Variants in DENND1A observed in about 807,000 individuals in gnomAD.
DENND1A encodes DENN domain-containing protein 1A.
In DENND1A, 51 loss-of-function variants were observed where a neutral mutation model predicts 113.7. The ratio of observed to expected loss-of-function variants is 0.45; its 90% CI spans 0.36 to 0.57. The LOEUF is 0.57. Ranked by LOEUF, DENND1A falls within the 20% of genes least tolerant of loss-of-function variation. The probability of loss-of-function intolerance (pLI) is 0.00; values close to 1 mark genes in which losing one functional copy is unlikely to be tolerated. For missense variants in DENND1A, 1,258 were observed against 1,395.9 expected, an observed-to-expected ratio of 0.90 and a Z score of 1.57; for synonymous variants, 565 against 570.8, an observed-to-expected ratio of 0.99 and a Z score of 0.14.
chr9:123,821,017 A>T (rs1052838695), intron 2 of DENND1A, among the ~76,000 whole-genome samples: 2 of 152,254 alleles, frequency 1.3e-5, no homozygotes, highest in Non-Finnish European at 2.9e-5. Flanking sequence ...TTTGAATAGC[A>T]CAGGCATTAT....
At chr9:123,590,859 C>T (rs908308431) in intron 11 of DENND1A, among the ~76,000 whole-genome samples, 1 of 152,166 alleles carries the variant, frequency 6.6e-6, no homozygotes, top group Admixed American at 6.5e-5. Context: ...AGAATAAAAT[C>T]ATAGCCAACC....
intron 13 of DENND1A, among the ~76,000 whole-genome samples, chr9:123,535,626 A>G (rs1182886346): frequency 6.6e-6 from 1 of 152,110 alleles, no homozygotes; most frequent in African/African-American, 2.4e-5. Flanking sequence ...AGGTTTCTGT[A>G]CTTGCTGTCT....
intron 2 of DENND1A, chr9:123,843,309 T>C: frequency 2.6e-6 from 1 of 389,524 alleles, no homozygotes; most frequent in Non-Finnish European, 5.1e-6. Flanking sequence ...TTGTCCTGTT[T>C]CTCCTTCCAT....
At chr9:123,769,277 C>T (rs192442791) in intron 4 of DENND1A, among the ~76,000 whole-genome samples, 2 of 152,234 alleles carry the variant, frequency 1.3e-5, no homozygotes, top group Admixed American at 1.3e-4. Context: ...AAAATCAAAA[C>T]TTTAATGCCA....
At chr9:123,882,604 G>A (rs1477394190) in intron 1 of DENND1A, among the ~76,000 whole-genome samples, 2 of 152,078 alleles carry the variant, frequency 1.3e-5, no homozygotes, top group Non-Finnish European at 2.9e-5. Context: ...GATTACTGCA[G>A]CACCCTCCTG....
At chr9:123,475,720 G>T (rs1197625664) in intron 13 of DENND1A, among the ~76,000 whole-genome samples, 1 of 152,250 alleles carries the variant, frequency 6.6e-6, no homozygotes, top group Non-Finnish European at 1.5e-5. Flanking sequence ...TATTGCTAAC[G>T]TGGGCTTCGT....
At chr9:123,672,701 G>A (rs1277252399) in intron 6 of DENND1A, among the ~76,000 whole-genome samples, 1 of 152,182 alleles carries the variant, frequency 6.6e-6, no homozygotes, top group Non-Finnish European at 1.5e-5. Context: ...CTTGTCTTGA[G>A]TACCGCATGG....
At chr9:123,612,688 A>G (rs548932110) in intron 10 of DENND1A, among the ~76,000 whole-genome samples, 15 of 152,334 alleles carry the variant, frequency 9.8e-5, no homozygotes, top group Admixed American at 2.0e-4. Context: ...CCAATTTTCT[A>G]TAAGTATCAC....
rs543721691 is a variant in DENND1A, at chr9:123,550,893, TA to T, written c.993+6676del. On this transcript the variant is annotated intron_variant, in intron 13 of 23. Transcript: ENST00000394215. ...CTAGCAATTAAACTCATTTGTCTTT[TA>T]TCCCCTTCTTGCCAAAAAGGACCCC... Among the ~76,000 whole-genome samples, 603 of 152,326 alleles carry T rather than the reference TA, an allele frequency of 4.0e-3. 1 individual carries two copies. The highest frequency in any genetic ancestry group is 0.014 in the African/African-American group (580 of 41,568).
intron 13 of DENND1A, among the ~76,000 whole-genome samples, chr9:123,553,408 C>T (rs959915761): frequency 5.9e-5 from 9 of 151,754 alleles, no homozygotes; most frequent in Non-Finnish European, 1.2e-4. Flanking sequence ...CCGCCCCCCC[C>T]CCGCTCCTCA....
intron 2 of DENND1A, among the ~76,000 whole-genome samples, chr9:123,811,003 C>A (rs1433515881): frequency 6.6e-6 from 1 of 152,142 alleles, no homozygotes. Context: ...AGGTGATGCA[C>A]CCACCTCGGC....
intron 9 of DENND1A, among the ~76,000 whole-genome samples, chr9:123,633,104 C>T (rs887354104): frequency 7.9e-5 from 12 of 152,168 alleles, no homozygotes; most frequent in South Asian, 2.1e-4. Context: ...GACGGGGTTT[C>T]GCCATGTTGG....
intron 13 of DENND1A, among the ~76,000 whole-genome samples, chr9:123,519,549 C>A (rs906809009): frequency 6.6e-6 from 1 of 152,014 alleles, no homozygotes; most frequent in South Asian, 2.1e-4. Context: ...GTGATCCTTG[C>A]GTCTCAGCCT....
intron 21 of DENND1A, among the ~76,000 whole-genome samples, chr9:123,394,984 C>G (rs1299197281): frequency 6.6e-6 from 1 of 152,224 alleles, no homozygotes; most frequent in Non-Finnish European, 1.5e-5. Context: ...CCACTGGCTA[C>G]AGCCGTGGCT....
At chr9:123,728,479 C>CAAAAAAAAAAAAAAAAAAAAAAAAA (rs60761810) in intron 5 of DENND1A, among the ~76,000 whole-genome samples, 13 of 25,194 alleles carry the variant, frequency 5.2e-4, no homozygotes, top group Non-Finnish European at 8.5e-4. Flanking sequence ...CTCTGTCTCC[C>CAAAAAAAAAAAAAAAAAAAAAAAAA]AAAAAAAAAA....
At chr9:123,526,700 G>T (rs1039697268) in intron 13 of DENND1A, among the ~76,000 whole-genome samples, 1 of 152,148 alleles carries the variant, frequency 6.6e-6, no homozygotes, top group Non-Finnish European at 1.5e-5. Context: ...ATCCCTTGGC[G>T]TTGGCATGTT....
chr9:123,900,537 A>C (rs1851450031), intron 1 of DENND1A, among the ~76,000 whole-genome samples: 1 of 151,914 alleles, frequency 6.6e-6, no homozygotes, highest in African/African-American at 2.4e-5. Flanking sequence ...AACCTAAAGA[A>C]TGAGCAGAAG....
At chr9:123,925,414 T>C (rs933375632) in intron 1 of DENND1A, among the ~76,000 whole-genome samples, 4 of 152,104 alleles carry the variant, frequency 2.6e-5, no homozygotes, top group African/African-American at 9.7e-5. Context: ...ACTCACCTAT[T>C]CGTCACCAGC....
chr9:123,736,217 A>G (rs2068552706), intron 5 of DENND1A, among the ~76,000 whole-genome samples: 1 of 152,234 alleles, frequency 6.6e-6, no homozygotes, highest in Admixed American at 6.5e-5. Context: ...CATGACCTGT[A>G]AGAGCTATGT....
Sources: gnomAD v4.1 joint callset for allele counts (sites outside exome capture counted in the v4.1 genomes callset) on GRCh38, gnomAD v4.1.1 for gene constraint, MANE v1.5 for transcripts, NCBI Gene and HGNC (gene_info 2026-07-23, HGNC 2026-07-21) for gene names.